CSMD1: variants seen among roughly 807,000 people sequenced by gnomAD.
The protein encoded by CSMD1 is CUB and sushi domain-containing protein 1.
CSMD1 carries 213 observed loss-of-function variants against 417.5 expected under a neutral mutation model. The observed-to-expected ratio is 0.51, with a 90% CI of 0.46 to 0.57. The LOEUF is 0.57. CSMD1 is among the 20% of genes least tolerant of loss of function. CSMD1 has a pLI of 0.00. For missense variants in CSMD1, 6,923 were observed against 4,529.7 expected (o/e 1.53, Z -15.17); for synonymous variants, 2,862 against 1,736.8 (o/e 1.65, Z -16.11).
At chr8:3,185,802 CAG>C (rs1487707773) in intron 36 of CSMD1, among the ~76,000 whole-genome samples, 2 of 152,180 alleles carry the variant, frequency 1.3e-5, no homozygotes, top group East Asian at 3.9e-4. Flanking sequence ...GCATGACACT[CAG>C]AGATTAATAT....
intron 5 of CSMD1, among the ~76,000 whole-genome samples, chr8:3,897,805 G>A (rs1053818280): frequency 5.9e-5 from 9 of 152,204 alleles, no homozygotes; most frequent in East Asian, 1.9e-4. Flanking sequence ...TATTTGCTTC[G>A]TAAGTTCATC....
rs73506779 is a variant in CSMD1 at position 3,839,735 on chromosome 8, G to A, written c.819-85693C>T. On this transcript the variant is annotated intron_variant, in intron 5 of 69. Coordinates refer to ENST00000635120, the MANE Select transcript of CSMD1 (RefSeq NM_033225.6). ...CAAGTCTCTTTAAAGCACTTCGCTT[G>A]CTGTTAAACCCATGAGTGCTGCCAC... 4.7e-3 allele frequency among the ~76,000 whole-genome samples: 704 copies of A among 150,546 alleles called. 9 individuals carry two copies. Among genetic ancestry groups the A allele is most frequent in the African/African-American group, 0.016 (666 of 41,008 alleles).
At position 3,582,140 on chromosome 8, in the gene CSMD1, C is replaced by T. The variant is rs549777131; in HGVS notation, c.1222+3996G>A. ...ATTTTTTGTGGTAATGGAAGAGTGA[C>T]AAATGAACTTGGAAAATGGTCCCTG... On this transcript the variant is annotated intron_variant, in intron 9 of 69. Coordinates refer to ENST00000635120, the MANE Select transcript of CSMD1 (RefSeq NM_033225.6). 2.0e-5 allele frequency among the ~76,000 whole-genome samples: 3 copies of T among 152,246 alleles called. No individual in the cohort carries two copies. In the East Asian group the frequency reaches 5.8e-4, roughly 29 times the overall value.
chr8:4,185,469 G>C (rs1798612427), intron 3 of CSMD1, among the ~76,000 whole-genome samples: 1 of 152,062 alleles, frequency 6.6e-6, no homozygotes, highest in Non-Finnish European at 1.5e-5. Flanking sequence ...ACACCATACA[G>C]ACTCAATACA....
rs144341059 is a variant in CSMD1, at chr8:3,366,364, C to T, written c.3115+668G>A. ...ACATGTTTGGCCAGTTTTTAAGTGGCGGCAATTTTTTCTTATCTGTAGAAA... is the reference window on the plus strand; with the variant it reads ...ACATGTTTGGCCAGTTTTTAAGTGGTGGCAATTTTTTCTTATCTGTAGAAA... On this transcript the variant is annotated intron_variant, in intron 20 of 69. Coordinates refer to ENST00000635120, the MANE Select transcript of CSMD1 (RefSeq NM_033225.6). Among the ~76,000 whole-genome samples, 186 of 147,728 alleles carry T rather than the reference C, an allele frequency of 1.3e-3. 2 individuals are homozygous for T. The highest frequency in any genetic ancestry group is 4.5e-3 in the African/African-American group (180 of 39,688).
At chr8:4,821,092 A>T (rs1799496338) in intron 1 of CSMD1, among the ~76,000 whole-genome samples, 1 of 152,146 alleles carries the variant, frequency 6.6e-6, no homozygotes, top group Admixed American at 6.6e-5. Flanking sequence ...GTGTAAAAAG[A>T]TACCAGATTG....
intron 39 of CSMD1, among the ~76,000 whole-genome samples, chr8:3,156,269 C>T (rs1310124425): frequency 2.0e-5 from 3 of 152,204 alleles, no homozygotes; most frequent in Non-Finnish European, 4.4e-5. Flanking sequence ...CCCAGCAATA[C>T]TTGAGTGTTC....
intron 3 of CSMD1, among the ~76,000 whole-genome samples, chr8:4,145,046 A>C (rs1037428129): frequency 6.6e-6 from 1 of 151,208 alleles, no homozygotes; most frequent in African/African-American, 2.5e-5. Flanking sequence ...CTTTTAAAAT[A>C]TTTTTAAATG....
intron 3 of CSMD1, among the ~76,000 whole-genome samples, chr8:4,169,959 T>G (rs1797676563): frequency 6.7e-6 from 1 of 150,258 alleles, no homozygotes; most frequent in Non-Finnish European, 1.5e-5. Context: ...GTGTGTGTTT[T>G]CCTCCATACT....
rs557128527 is a variant in CSMD1, at chr8:4,482,372, T to C, written c.303-62307A>G. Among the ~76,000 whole-genome samples the C allele has an allele frequency of 3.9e-5, 6 of 152,300 alleles. No homozygotes were observed. The East Asian group carries it at 1.2e-3, about 29-fold the overall frequency. On this transcript the variant is annotated intron_variant, in intron 2 of 69. Coordinates refer to ENST00000635120, the MANE Select transcript of CSMD1 (RefSeq NM_033225.6). ...TCGGTTTTCTGTTCCTGAGTTAGTT[T>C]GCTAAGGATAATGGCCTCCAGCTCC...
chr8:3,599,495 GTTAGTAACCCCAACACAGCA>G (rs1280037178), intron 8 of CSMD1, among the ~76,000 whole-genome samples: 6 of 151,662 alleles, frequency 4.0e-5, no homozygotes, highest in Non-Finnish European at 8.8e-5. Context: ...CCAACGCAGA[GTTAGTAACCCCAACACAGCA>G]TTAGTAACCC....
chr8:3,772,997 C>T (rs891861996), intron 5 of CSMD1, among the ~76,000 whole-genome samples: 3 of 152,094 alleles, frequency 2.0e-5, no homozygotes, highest in Non-Finnish European at 1.5e-5. Context: ...GGACTGGATT[C>T]CTGATTCAGA....
At chr8:3,703,179 T>G (rs1372940192) in intron 7 of CSMD1, among the ~76,000 whole-genome samples, 2 of 152,212 alleles carry the variant, frequency 1.3e-5, no homozygotes, top group Admixed American at 6.5e-5. Context: ...ATTCTACACT[T>G]AATGTTGAGA....
At chr8:4,535,948 T>C (rs903309509) in intron 2 of CSMD1, among the ~76,000 whole-genome samples, 2 of 152,122 alleles carry the variant, frequency 1.3e-5, no homozygotes, top group Admixed American at 6.6e-5. Flanking sequence ...AACTTAGATC[T>C]TAACAATGTT....
At chr8:4,024,624 A>G (rs1796968311) in intron 4 of CSMD1, among the ~76,000 whole-genome samples, 1 of 152,172 alleles carries the variant, frequency 6.6e-6, no homozygotes, top group South Asian at 2.1e-4. Context: ...TCTTTGAGGT[A>G]CAAGCAGGAT....
intron 3 of CSMD1, among the ~76,000 whole-genome samples, chr8:4,193,432 C>A (rs1424637119): frequency 6.6e-6 from 1 of 151,776 alleles, no homozygotes; most frequent in Admixed American, 6.6e-5. Context: ...CTGTTCACAT[C>A]CAGGTACCCA....
intron 5 of CSMD1, among the ~76,000 whole-genome samples, chr8:3,808,121 G>A (rs978577556): frequency 1.3e-5 from 2 of 151,984 alleles, no homozygotes; most frequent in Non-Finnish European, 2.9e-5. Context: ...ACGTCACTCA[G>A]GAATGCATCT....
At chr8:3,984,815 A>G (rs1814196546) in intron 5 of CSMD1, among the ~76,000 whole-genome samples, 3 of 148,044 alleles carry the variant, frequency 2.0e-5, no homozygotes, top group African/African-American at 7.4e-5. Flanking sequence ...CACACAAAAA[A>G]CTAGAGGGAA....
At chr8:4,382,363 A>T (rs565944121) in intron 3 of CSMD1, among the ~76,000 whole-genome samples, 1 of 152,296 alleles carries the variant, frequency 6.6e-6, no homozygotes, top group East Asian at 1.9e-4. Context: ...CCAATGACAC[A>T]CATTTCCCAG....
Sources: allele counts gnomAD v4.1 joint callset (sites outside exome capture counted in the v4.1 genomes callset), GRCh38; gene constraint gnomAD v4.1.1; transcripts MANE v1.5; gene names NCBI Gene and HGNC (gene_info 2026-07-23, HGNC 2026-07-21).